ESRRG: variants seen among roughly 807,000 people sequenced by gnomAD.
The protein encoded by ESRRG is estrogen-related receptor gamma.
In ESRRG, 13 loss-of-function variants were observed where a neutral mutation model predicts 44.0. The ratio of observed to expected loss-of-function variants is 0.30; its 90% CI spans 0.19 to 0.47. ESRRG has a LOEUF of 0.47. ESRRG is among the 20% of genes least tolerant of loss of function. The pLI is 1.00. For missense variants in ESRRG, 395 were observed against 580.6 expected, an observed-to-expected ratio of 0.68 and a Z score of 3.29; for synonymous variants, 215 against 214.6, an observed-to-expected ratio of 1.00 and a Z score of -0.02.
At chr1:216,531,340 T>G (rs2049310014) in intron 5 of ESRRG, among the ~76,000 whole-genome samples, 1 of 152,104 alleles carries the variant, frequency 6.6e-6, no homozygotes, top group Non-Finnish European at 1.5e-5. Context: ...TCCCACACTG[T>G]TTTTCTCTGC....
intron 1 of ESRRG, among the ~76,000 whole-genome samples, chr1:217,119,988 C>T (rs1057165138): frequency 1.3e-5 from 2 of 152,146 alleles, no homozygotes; most frequent in Non-Finnish European, 2.9e-5. Flanking sequence ...AAAAGATTAA[C>T]AGTAATAATA....
At chr1:216,536,516 T>C (rs1283184521) in intron 5 of ESRRG, among the ~76,000 whole-genome samples, 4 of 152,114 alleles carry the variant, frequency 2.6e-5, no homozygotes, top group Admixed American at 1.3e-4. Context: ...ACTAAGTCAA[T>C]AGCCTCCCAA....
chr1:216,935,464 C>T (rs1370053445), intron 2 of ESRRG, among the ~76,000 whole-genome samples: 4 of 152,112 alleles, frequency 2.6e-5, no homozygotes, highest in African/African-American at 7.2e-5. Flanking sequence ...TACAGATGAA[C>T]AGCCAGCCAG....
intron 1 of ESRRG, among the ~76,000 whole-genome samples, chr1:217,110,589 G>A (rs1255329221): frequency 6.6e-6 from 1 of 152,140 alleles, no homozygotes; most frequent in Non-Finnish European, 1.5e-5. Context: ...ATGGTGGAAG[G>A]CAAAGGGGGA....
At chr1:216,985,315 A>G (rs971403679) in intron 1 of ESRRG, among the ~76,000 whole-genome samples, 4 of 152,170 alleles carry the variant, frequency 2.6e-5, no homozygotes, top group African/African-American at 7.2e-5. Context: ...GCCTTTCCCA[A>G]CCCACCTCCA....
At chr1:216,816,720 A>G (rs892486196) in intron 2 of ESRRG, among the ~76,000 whole-genome samples, 5 of 152,226 alleles carry the variant, frequency 3.3e-5, no homozygotes, top group Non-Finnish European at 7.3e-5. Context: ...CTAAAATCTC[A>G]TTGAAGGGAA....
chr1:216,675,124 G>A (rs1269031467), intron 2 of ESRRG, among the ~76,000 whole-genome samples: 1 of 152,096 alleles, frequency 6.6e-6, no homozygotes, highest in Non-Finnish European at 1.5e-5. Flanking sequence ...ACTTTGGGAG[G>A]CTGAGGCGGG....
intron 2 of ESRRG, among the ~76,000 whole-genome samples, chr1:216,676,804 A>G (rs980317843): frequency 2.0e-5 from 3 of 152,234 alleles, no homozygotes; most frequent in African/African-American, 7.2e-5. Context: ...CATTGCTCTA[A>G]TAATAACTAT....
chr1:217,072,028 G>A (rs1049084873), intron 1 of ESRRG, among the ~76,000 whole-genome samples: 3 of 152,182 alleles, frequency 2.0e-5, no homozygotes, highest in African/African-American at 7.2e-5. Flanking sequence ...GCCTGCTGAT[G>A]ATTTTCTTTT....
At chr1:217,064,951 A>T (rs113756902) in intron 1 of ESRRG, among the ~76,000 whole-genome samples, 2 of 152,296 alleles carry the variant, frequency 1.3e-5, no homozygotes, top group African/African-American at 4.8e-5. Context: ...AAAAAGAAGA[A>T]GAAAAAGAAA....
chr1:216,926,953 A>G (rs1279640341), intron 2 of ESRRG, among the ~76,000 whole-genome samples: 1 of 152,170 alleles, frequency 6.6e-6, no homozygotes, highest in African/African-American at 2.4e-5. Context: ...TCCAATTACT[A>G]TATTTCATGG....
intron 1 of ESRRG, among the ~76,000 whole-genome samples, chr1:217,108,286 C>T (rs1384038025): frequency 1.3e-5 from 2 of 152,210 alleles, no homozygotes; most frequent in East Asian, 1.9e-4. Flanking sequence ...TATTCCCCAT[C>T]TCCTCCTAAA....
intron 2 of ESRRG, among the ~76,000 whole-genome samples, chr1:216,756,575 C>G (rs1383723601): frequency 6.6e-6 from 1 of 151,944 alleles, no homozygotes; most frequent in Non-Finnish European, 1.5e-5. Flanking sequence ...CTTTTCCCCA[C>G]TAGGAATTGA....
At chr1:217,135,570 C>T (rs562151014) in intron 1 of ESRRG, among the ~76,000 whole-genome samples, 1 of 151,554 alleles carries the variant, frequency 6.6e-6, no homozygotes, top group South Asian at 2.1e-4. Context: ...GGCGGCAGGG[C>T]GGCTGCACCT....
At chr1:217,109,445 A>G (rs866719275) in intron 1 of ESRRG, among the ~76,000 whole-genome samples, 2 of 152,170 alleles carry the variant, frequency 1.3e-5, no homozygotes, top group Middle Eastern at 3.2e-3. Context: ...TTTTCTAATG[A>G]CCAAATGCAT....
intron 1 of ESRRG, among the ~76,000 whole-genome samples, chr1:217,037,835 C>A (rs2083174596): frequency 6.6e-6 from 1 of 152,196 alleles, no homozygotes; most frequent in South Asian, 2.1e-4. Context: ...TACAGCCATT[C>A]CAAATGGGAG....
chr1:217,053,133 T>TAAAAAAAAAAAAAAA (rs71303007), intron 1 of ESRRG, among the ~76,000 whole-genome samples: 36 of 119,024 alleles, frequency 3.0e-4, no homozygotes, highest in African/African-American at 4.0e-4. Context: ...AATCCCATCT[T>TAAAAAAAAAAAAAAA]AAAAAAAAAA....
At chr1:217,018,858 C>T (rs1424959043) in intron 1 of ESRRG, among the ~76,000 whole-genome samples, 3 of 152,100 alleles carry the variant, frequency 2.0e-5, no homozygotes, top group African/African-American at 2.4e-5. Flanking sequence ...CCACGTGGAC[C>T]GCATTATGGC....
chr1:216,759,586 C>A (rs2092658352), intron 2 of ESRRG, among the ~76,000 whole-genome samples: 1 of 152,088 alleles, frequency 6.6e-6, no homozygotes, highest in Non-Finnish European at 1.5e-5. Context: ...AGGCAGAAAT[C>A]AAAATCTGAA....
Sources: allele counts gnomAD v4.1 joint callset (sites outside exome capture counted in the v4.1 genomes callset), GRCh38; gene constraint gnomAD v4.1.1; transcripts MANE v1.5; gene names NCBI Gene and HGNC (gene_info 2026-07-23, HGNC 2026-07-21).